Variants in SLC8A1 observed in about 807,000 individuals in gnomAD.
SLC8A1 encodes solute carrier family 8 member A1.
SLC8A1 carries 18 observed loss-of-function variants against 68.3 expected under a neutral mutation model. That is an observed-to-expected ratio of 0.26 (90% CI 0.18 to 0.39). The LOEUF is 0.39. Among genes scored for constraint, SLC8A1 ranks in the 10% least tolerant of loss-of-function variants. SLC8A1 has a pLI of 1.00. For synonymous variants in SLC8A1, 475 were observed against 415.5 expected, an observed-to-expected ratio of 1.14 and a Z score of -1.74; for missense variants, 985 against 1,156.7, an observed-to-expected ratio of 0.85 and a Z score of 2.15.
At chr2:40,482,574 G>T (rs1325260998) in intron 1 of SLC8A1, among the ~76,000 whole-genome samples, 1 of 151,938 alleles carries the variant, frequency 6.6e-6, no homozygotes, top group Non-Finnish European at 1.5e-5. Flanking sequence ...CTATTTTATG[G>T]GATGAAGAAA....
chr2:40,165,522 G>T (rs903118827), intron 4 of SLC8A1, among the ~76,000 whole-genome samples: 5 of 152,148 alleles, frequency 3.3e-5, no homozygotes, highest in African/African-American at 9.7e-5. Context: ...AGACCCTATT[G>T]CAAGTTAAAC....
rs192148089 is a variant in SLC8A1 at position 40,478,960 on chromosome 2, C to T, written c.-25+33389G>A. 7.2e-3 allele frequency among the ~76,000 whole-genome samples: 1,089 copies of T among 151,844 alleles called. 16 individuals are homozygous for T. Among genetic ancestry groups the T allele is most frequent in the African/African-American group, 0.025 (1,047 of 41,394 alleles). On this transcript the variant is annotated intron_variant, in intron 1 of 7. Coordinates refer to the SLC8A1 transcript ENST00000402441. ...CTAATTTTTGTATTTTTAGTAGAGA[C>T]GGGGTTTCACCATGTTGGCCAGGAT...
chr2:40,449,294 T>C (rs1351699532), intron 1 of SLC8A1, among the ~76,000 whole-genome samples: 1 of 152,140 alleles, frequency 6.6e-6, no homozygotes, highest in African/African-American at 2.4e-5. Flanking sequence ...TGCAACTTCC[T>C]TGGATCTGCA....
chr2:40,130,088 G>A (rs1285870013), intron 7 of SLC8A1, among the ~76,000 whole-genome samples: 6 of 152,128 alleles, frequency 3.9e-5, no homozygotes, highest in Non-Finnish European at 8.8e-5. Flanking sequence ...GAAATAAGGA[G>A]TATGACTACC....
intron 2 of SLC8A1, among the ~76,000 whole-genome samples, chr2:40,215,561 C>T (rs551302469): frequency 1.2e-4 from 17 of 142,324 alleles, no homozygotes; most frequent in Admixed American, 8.6e-4. Flanking sequence ...GGCGTGAACC[C>T]GGGAAGCGGA....
At chr2:40,294,237 C>G (rs895595671) in intron 2 of SLC8A1, among the ~76,000 whole-genome samples, 1 of 152,092 alleles carries the variant, frequency 6.6e-6, no homozygotes, top group Non-Finnish European at 1.5e-5. Flanking sequence ...AAGTTGGAAA[C>G]AACTTAATGT....
intron 2 of SLC8A1, among the ~76,000 whole-genome samples, chr2:40,274,479 C>G (rs539628435): frequency 1.3e-5 from 2 of 152,018 alleles, no homozygotes; most frequent in African/African-American, 4.8e-5. Flanking sequence ...CCAGAGAAAC[C>G]GTTTAACGCT....
At chr2:40,226,105 T>G (rs1327350320) in intron 2 of SLC8A1, among the ~76,000 whole-genome samples, 1 of 152,058 alleles carries the variant, frequency 6.6e-6, no homozygotes, top group Non-Finnish European at 1.5e-5. Context: ...GAGATGACAG[T>G]TGGTTTTATT....
At chr2:40,215,835 C>A (rs2057387005) in intron 2 of SLC8A1, among the ~76,000 whole-genome samples, 1 of 151,912 alleles carries the variant, frequency 6.6e-6, no homozygotes, top group African/African-American at 2.4e-5. Flanking sequence ...TTGCTAAAGC[C>A]ATCTACCTGA....
chr2:40,321,181 C>G (rs929261585), intron 2 of SLC8A1, among the ~76,000 whole-genome samples: 1 of 152,030 alleles, frequency 6.6e-6, no homozygotes, highest in East Asian at 1.9e-4. Flanking sequence ...GTCTTTCTGT[C>G]GTACAAATCC....
chr2:40,384,054 A>T (rs1421002276), intron 2 of SLC8A1, among the ~76,000 whole-genome samples: 1 of 151,890 alleles, frequency 6.6e-6, no homozygotes. Context: ...TGAGGCCAGG[A>T]GTTTTACACC....
At chr2:40,399,940 A>G (rs1430584825) in intron 2 of SLC8A1, among the ~76,000 whole-genome samples, 2 of 152,154 alleles carry the variant, frequency 1.3e-5, no homozygotes, top group African/African-American at 4.8e-5. Flanking sequence ...GTCGTTAAAG[A>G]TCGACCCCTG....
At chr2:40,183,329 T>C (rs1005976478) in intron 2 of SLC8A1, among the ~76,000 whole-genome samples, 1 of 152,228 alleles carries the variant, frequency 6.6e-6, no homozygotes, top group Non-Finnish European at 1.5e-5. Flanking sequence ...GTTTTATTGT[T>C]TCGTATTTAC....
chr2:40,428,801 G>A (rs952882765), exon 2 of SLC8A1: 5 of 1,613,686 alleles, frequency 3.1e-6, no homozygotes, highest in Non-Finnish European at 4.2e-6. Context: ...TTGCTGAGAT[G>A]CACAAGGAAA....
intron 2 of SLC8A1, among the ~76,000 whole-genome samples, chr2:40,333,187 C>T (rs921556998): frequency 1.3e-5 from 2 of 152,024 alleles, no homozygotes; most frequent in Admixed American, 6.5e-5. Context: ...GCCTATAATC[C>T]CAGCACTTTG....
chr2:40,163,330 C>T (rs1428571), intron 5 of SLC8A1, among the ~76,000 whole-genome samples: 37,835 of 152,046 alleles, frequency 0.25, 5,188 homozygotes, highest in East Asian at 0.61. Context: ...GGTCTGAGAT[C>T]ATCCCATAAG....
At chr2:40,394,679 T>C (rs74441268) in intron 2 of SLC8A1, among the ~76,000 whole-genome samples, 4,052 of 152,220 alleles carry the variant, frequency 0.027, 83 homozygotes, top group Non-Finnish European at 0.039. Flanking sequence ...CTTCTTTTTT[T>C]CTAACATGTA....
chr2:40,421,071 C>T (rs1439470904), intron 2 of SLC8A1, among the ~76,000 whole-genome samples: 2 of 152,028 alleles, frequency 1.3e-5, no homozygotes, highest in South Asian at 2.1e-4. Context: ...ACCATCATCA[C>T]CACCACCACC....
At chr2:40,102,224 T>C (rs1178320252) in exon 8 of SLC8A1, 1 of 152,186 alleles carries the variant, frequency 6.6e-6, no homozygotes, top group African/African-American at 2.4e-5. Context: ...CCTCTATTCA[T>C]AGAATACTAT....
Sources: gnomAD v4.1 joint callset for allele counts (sites outside exome capture counted in the v4.1 genomes callset) on GRCh38, gnomAD v4.1.1 for gene constraint, MANE v1.5 for transcripts, NCBI Gene and HGNC (gene_info 2026-07-23, HGNC 2026-07-21) for gene names.